Variants in PCDHA5 observed in about 807,000 individuals in gnomAD.
The protein encoded by PCDHA5 is protocadherin alpha 5, also known as protocadherin alpha-5.
PCDHA5 carries 43 observed loss-of-function variants against 61.6 expected under a neutral mutation model. The observed-to-expected ratio is 0.70, with a 90% CI of 0.55 to 0.90. The LOEUF is 0.90. Ranked by LOEUF, PCDHA5 falls within the 40% of genes least tolerant of loss-of-function variation. The probability of loss-of-function intolerance (pLI) is 0.00; values close to 1 mark genes in which losing one functional copy is unlikely to be tolerated. For synonymous variants in PCDHA5, 627 were observed against 543.9 expected (o/e 1.15, Z -2.13); for missense variants, 1,298 against 1,222.7 (o/e 1.06, Z -0.92).
At chr5:140,968,661 T>C (rs1554230945) in intron 1 of PCDHA5, 1 of 1,614,182 alleles carries the variant, frequency 6.2e-7, no homozygotes, top group East Asian at 2.2e-5. Flanking sequence ...GACCTGGACC[T>C]CTTTAAGGTA....
intron 1 of PCDHA5, chr5:140,841,450 C>G: frequency 6.2e-7 from 1 of 1,612,936 alleles, no homozygotes; most frequent in Non-Finnish European, 8.5e-7. Context: ...AACACGGCAC[C>G]TTCGTGGGCC....
chr5:140,877,463 C>T (rs782373755), intron 1 of PCDHA5: 1 of 1,613,772 alleles, frequency 6.2e-7, no homozygotes, highest in East Asian at 2.2e-5. Flanking sequence ...TCCACGGCCA[C>T]GGTGCTGGTG....
intron 3 of PCDHA5, among the ~76,000 whole-genome samples, chr5:140,990,272 C>A (rs568200508): frequency 6.6e-6 from 1 of 152,196 alleles, no homozygotes; most frequent in African/African-American, 2.4e-5. Flanking sequence ...CAATGTACCC[C>A]GGGTCTTGAG....
chr5:140,834,402 T>A (rs2150216661), intron 1 of PCDHA5: 1 of 1,606,068 alleles, frequency 6.2e-7, no homozygotes, highest in Non-Finnish European at 8.5e-7. Context: ...CCCGAATGGA[T>A]ACGACCCAGG....
At chr5:140,849,477 C>T in intron 1 of PCDHA5, 1 of 1,590,036 alleles carries the variant, frequency 6.3e-7, no homozygotes, top group Middle Eastern at 1.7e-4. Context: ...TAAAGGCTTC[C>T]CACCCCTGGC....
At chr5:140,978,767 AC>A (rs1167493285) in intron 1 of PCDHA5, among the ~76,000 whole-genome samples, 181 bp from the exon 2 acceptor site, 4 of 152,342 alleles carry the variant, frequency 2.6e-5, no homozygotes, top group South Asian at 2.1e-4. Flanking sequence ...ACCCTGATGA[AC>A]TAATTTTCTT....
intron 1 of PCDHA5, chr5:140,858,495 G>A (rs2045450784): frequency 6.7e-7 from 1 of 1,481,628 alleles, no homozygotes; most frequent in East Asian, 2.5e-5. Flanking sequence ...TTCTCTTACC[G>A]CATTTTCTCA....
At chr5:140,834,317 G>A in intron 1 of PCDHA5, 4 of 1,393,006 alleles carry the variant, frequency 2.9e-6, no homozygotes, top group South Asian at 1.4e-5. Context: ...GAAATGAAGG[G>A]ATAAAAACAT....
At chr5:140,857,467 C>T in intron 1 of PCDHA5, 3 of 1,598,642 alleles carry the variant, frequency 1.9e-6, no homozygotes, top group Non-Finnish European at 2.6e-6. Flanking sequence ...GCTGCCACAT[C>T]TTCACGGTGT....
chr5:140,884,586 G>A (rs782106355), intron 1 of PCDHA5: 1 of 1,614,250 alleles, frequency 6.2e-7, no homozygotes, highest in Admixed American at 1.7e-5. Flanking sequence ...ATGGCCTTCA[G>A]TCCCAGCCTT....
chr5:140,874,901 T>G (rs896201686), intron 1 of PCDHA5, among the ~76,000 whole-genome samples: 2 of 152,208 alleles, frequency 1.3e-5, no homozygotes, highest in Admixed American at 1.3e-4. Context: ...TCTAAAATCT[T>G]ACGATGGAGT....
intron 1 of PCDHA5, among the ~76,000 whole-genome samples, chr5:140,922,848 C>T (rs1345344826): frequency 2.6e-5 from 4 of 151,962 alleles, no homozygotes; most frequent in African/African-American, 9.7e-5. Flanking sequence ...TCAAAGAGAC[C>T]AAATACATAG....
chr5:140,848,115 A>G, intron 1 of PCDHA5: 1 of 178,506 alleles, frequency 5.6e-6, no homozygotes, highest in Non-Finnish European at 1.2e-5. Flanking sequence ...TAAGAAAACC[A>G]CAATCAAGGT....
intron 1 of PCDHA5, chr5:140,830,441 G>A (rs2150186537): frequency 6.2e-7 from 1 of 1,608,224 alleles, no homozygotes; most frequent in South Asian, 1.1e-5. Context: ...TATTATGATG[G>A]GTAAGGCGGA....
At chr5:140,924,477 T>C (rs1378646713) in intron 1 of PCDHA5, among the ~76,000 whole-genome samples, 1 of 152,230 alleles carries the variant, frequency 6.6e-6, no homozygotes, top group Admixed American at 6.5e-5. Context: ...AACTGGTTTT[T>C]AGTGGAACAC....
intron 1 of PCDHA5, chr5:140,870,384 G>A: frequency 6.2e-7 from 1 of 1,614,230 alleles, no homozygotes; most frequent in African/African-American, 1.3e-5. Context: ...TGACTGCGCG[G>A]GATGGGGGTT....
intron 1 of PCDHA5, among the ~76,000 whole-genome samples, chr5:140,974,864 C>A (rs949061887): frequency 3.9e-5 from 6 of 152,124 alleles, no homozygotes; most frequent in Non-Finnish European, 8.8e-5. Flanking sequence ...TGCCTTAATG[C>A]GGAACAGTCT....
chr5:140,863,333 CGTT>C, intron 1 of PCDHA5: 1 of 1,399,240 alleles, frequency 7.1e-7, no homozygotes. Flanking sequence ...TTAGTGCTCA[CGTT>C]GCTGCTGTAC....
chr5:140,861,098 T>C (rs1334214171), intron 1 of PCDHA5: 1 of 152,426 alleles, frequency 6.6e-6, no homozygotes, highest in Non-Finnish European at 1.5e-5. Context: ...ATTGTTCCTG[T>C]ACTTTAAAAA....
Sources: allele counts gnomAD v4.1 joint callset (sites outside exome capture counted in the v4.1 genomes callset), GRCh38; gene constraint gnomAD v4.1.1; transcripts MANE v1.5; gene names NCBI Gene and HGNC (gene_info 2026-07-23, HGNC 2026-07-21).